Variants in PYY observed in about 807,000 individuals in gnomAD.
PYY encodes peptide YY.
PYY carries 12 observed loss-of-function variants against 10.3 expected under a neutral mutation model. That is an observed-to-expected ratio of 1.17 (90% CI 0.75 to 1.89). The LOEUF (loss-of-function observed/expected upper bound fraction) is 1.89. Among genes scored for constraint, PYY ranks in the 40% most tolerant of loss-of-function variants. PYY has a pLI of 0.00. For synonymous variants in PYY, 66 were observed against 62.0 expected (o/e 1.06, Z -0.30); for missense variants, 141 against 134.0 (o/e 1.05, Z -0.26).
At chr17:43,980,988 CTTT>C (rs2048880269) in intron 1 of PYY, among the ~76,000 whole-genome samples, 1 of 149,038 alleles carries the variant, frequency 6.7e-6, no homozygotes, top group South Asian at 2.1e-4. Context: ...ACGAGCATTT[CTTT>C]TTTAAGCTTG....
chr17:43,963,520 AAAG>A (rs1405299294), intron 2 of PYY, among the ~76,000 whole-genome samples: 215 of 148,648 alleles, frequency 1.4e-3, no homozygotes, highest in South Asian at 3.4e-3. Flanking sequence ...AAAAAAAAAA[AAAG>A]AAAGAAAGAA....
At chr17:43,991,061 G>A (rs1389134537) in intron 1 of PYY, among the ~76,000 whole-genome samples, 1 of 151,666 alleles carries the variant, frequency 6.6e-6, no homozygotes, top group African/African-American at 2.4e-5. Context: ...GGGATTACAA[G>A]CGTGAGCCAC....
In PYY at chr17:43,953,158, G is replaced by A; in HGVS notation, c.220C>T (p.Leu74Phe). 2.5e-6 allele frequency: 4 copies of A among 1,613,988 alleles called. No individual in the cohort carries two copies. The highest frequency in any genetic ancestry group is 1.7e-4 in the Middle Eastern group (1 of 6,058). Residue 74 changes from leucine to phenylalanine, a missense_variant, in exon 3 of 4, where the codon CTT (leucine) becomes TTT (phenylalanine). Leu to Phe is a conservative substitution (Grantham distance 22, BLOSUM62 0). Transcript: ENST00000692052. ...YGKRDGPDTL[L>F]SKTFFPDGED... Reference sequence around the variant, plus strand: ...CCGTCGGGGAAGAACGTTTTGGAAAGAAGCGTGTCCGGGCCGTCTCTTTTC... The same window carrying A: ...CCGTCGGGGAAGAACGTTTTGGAAAAAAGCGTGTCCGGGCCGTCTCTTTTC...
intron 1 of PYY, among the ~76,000 whole-genome samples, chr17:43,978,532 C>G (rs2048863488): frequency 6.6e-6 from 1 of 152,106 alleles, no homozygotes; most frequent in African/African-American, 2.4e-5. Flanking sequence ...GGAAAAGCAT[C>G]TTTCATGGCT....
intron 1 of PYY, among the ~76,000 whole-genome samples, chr17:43,978,538 T>C (rs2048863529): frequency 6.6e-6 from 1 of 152,124 alleles, no homozygotes; most frequent in Non-Finnish European, 1.5e-5. Context: ...GCATCTTTCA[T>C]GGCTTCCATC....
intron 1 of PYY, among the ~76,000 whole-genome samples, chr17:43,980,119 A>C (rs2048872576): frequency 6.6e-6 from 1 of 150,864 alleles, no homozygotes; most frequent in African/African-American, 2.4e-5. Context: ...GTTATGTGGA[A>C]TCAGATAGTA....
At chr17:43,973,225 A>C (rs2143922301) in intron 1 of PYY, among the ~76,000 whole-genome samples, 1 of 152,360 alleles carries the variant, frequency 6.6e-6, no homozygotes, top group Admixed American at 6.5e-5. Context: ...TTGTCACTTA[A>C]AGATAAATTC....
chr17:43,973,919 G>A (rs916656736), intron 1 of PYY, among the ~76,000 whole-genome samples: 3 of 152,066 alleles, frequency 2.0e-5, no homozygotes, highest in Non-Finnish European at 4.4e-5. Context: ...CAAACAACTC[G>A]TTACAAAAGA....
intron 1 of PYY, among the ~76,000 whole-genome samples, chr17:43,993,283 AC>A (rs1415086951): frequency 7.9e-5 from 12 of 151,942 alleles, no homozygotes; most frequent in Middle Eastern, 3.4e-3. Context: ...ACACGGTGAA[AC>A]CCCGTCTCTA....
At chr17:43,980,649 T>C (rs1028569226) in intron 1 of PYY, among the ~76,000 whole-genome samples, 1 of 151,768 alleles carries the variant, frequency 6.6e-6, no homozygotes, top group African/African-American at 2.4e-5. Context: ...AATTTTTGTA[T>C]TTTTAATAGA....
Position 43,989,182 on chromosome 17 carries a change from G to A in PYY, c.-463+15209C>T, listed in dbSNP as rs571826636. Among the ~76,000 whole-genome samples the A allele has an allele frequency of 3.2e-4, 48 of 152,046 alleles. No individual in the cohort carries two copies. The South Asian group carries it at 5.2e-3, about 16-fold the overall frequency. On this transcript the variant is annotated intron_variant, in intron 1 of 6. Coordinates refer to the PYY transcript ENST00000360085. The stretch of plus-strand genomic sequence containing the variant: ...GAGGTCAGGAGATCAAGACCATCCT[G>A]GCTAACACGGTGAAACCCCGTCTCT...
chr17:43,973,200 G>T (rs748496204), intron 1 of PYY, among the ~76,000 whole-genome samples: 300 of 152,218 alleles, frequency 2.0e-3, no homozygotes, highest in Non-Finnish European at 3.6e-3. Flanking sequence ...CTGAAAGTAA[G>T]TTTTTAAAAA....
At chr17:43,976,212 T>TATATACACAC (rs1309157658) in intron 1 of PYY, among the ~76,000 whole-genome samples, 5 of 129,838 alleles carry the variant, frequency 3.9e-5, no homozygotes, top group African/African-American at 1.5e-4. Flanking sequence ...TACATATACG[T>TATATACACAC]ATATGTATAC....
chr17:43,953,908 T>C lies in PYY; in HGVS notation c.-59A>G, dbSNP rs2048654137. The C allele has an allele frequency of 6.3e-6, 1 of 159,652 alleles. No individual in the cohort carries two copies. Among genetic ancestry groups the C allele is most frequent in the Non-Finnish European group, 1.4e-5 (1 of 71,858 alleles). The allele number at this position is 159,652 out of a possible 1,614,324, so 9.9% of individuals were successfully genotyped here. The stretch of plus-strand genomic sequence containing the variant: ...GGAAGGCGAGGGAAGTCCCAAGGGC[T>C]GCACTGCCGCAGGTCAAGCTGAGGC... On this transcript the variant is annotated 5_prime_UTR_variant, in exon 1 of 4. Coordinates refer to ENST00000692052, the MANE Select transcript of PYY (RefSeq NM_001394028.1).
intron 1 of PYY, among the ~76,000 whole-genome samples, chr17:43,977,591 G>T (rs950151031): frequency 3.3e-5 from 5 of 151,990 alleles, no homozygotes; most frequent in African/African-American, 1.2e-4. Context: ...ATGCCCCTTT[G>T]TCCCTCTGTC....
intron 1 of PYY, among the ~76,000 whole-genome samples, chr17:43,967,686 C>G (rs2048763752): frequency 6.6e-6 from 1 of 152,204 alleles, no homozygotes; most frequent in Admixed American, 6.5e-5. Flanking sequence ...GTCTCTCCTG[C>G]TGAATGCTGC....
At chr17:43,970,888 T>A (rs2048788444) in intron 1 of PYY, among the ~76,000 whole-genome samples, 1 of 152,232 alleles carries the variant, frequency 6.6e-6, no homozygotes, top group South Asian at 2.1e-4. Flanking sequence ...ATTTGTTCTG[T>A]GTATCAATAG....
chr17:43,997,691 T>C (rs1055428776), intron 1 of PYY, among the ~76,000 whole-genome samples: 1 of 152,012 alleles, frequency 6.6e-6, no homozygotes, highest in African/African-American at 2.4e-5. Context: ...GAATAGACTC[T>C]AGTGGGCAAA....
chr17:43,978,255 AAGAG>A (rs2048861109), intron 1 of PYY, among the ~76,000 whole-genome samples: 1 of 150,664 alleles, frequency 6.6e-6, no homozygotes, highest in South Asian at 2.1e-4. Flanking sequence ...GAAGGAAAGA[AAGAG>A]AAAGAAAGAG....
Sources: allele counts gnomAD v4.1 joint callset (sites outside exome capture counted in the v4.1 genomes callset), GRCh38; gene constraint gnomAD v4.1.1; transcripts MANE v1.5; gene names NCBI Gene and HGNC (gene_info 2026-07-23, HGNC 2026-07-21).